CNTNAP4: variants seen among roughly 807,000 people sequenced by gnomAD.
The protein encoded by CNTNAP4 is contactin associated protein family member 4, also known as contactin-associated protein-like 4.
CNTNAP4 carries 98 observed loss-of-function variants against 148.4 expected under a neutral mutation model. The observed-to-expected ratio is 0.66, with a 90% CI of 0.56 to 0.78. CNTNAP4 has a LOEUF of 0.78. CNTNAP4 is among the 30% of genes least tolerant of loss of function. CNTNAP4 has a pLI of 0.00. For synonymous variants in CNTNAP4, 730 were observed against 565.1 expected, an observed-to-expected ratio of 1.29 and a Z score of -4.14; for missense variants, 1,935 against 1,565.6, an observed-to-expected ratio of 1.24 and a Z score of -3.98.
At chr16:76,448,625 G>A in intron 5 of CNTNAP4, 142 bp from the exon 6 acceptor site, 2 of 593,154 alleles carry the variant, frequency 3.4e-6, no homozygotes, top group Non-Finnish European at 5.6e-6. Flanking sequence ...GAAACTTCGG[G>A]GAAATGCATC....
At chr16:76,449,688 A>G (rs764357310) in intron 6 of CNTNAP4, 27 bp from the exon 7 acceptor site, 2 of 1,533,078 alleles carry the variant, frequency 1.3e-6, no homozygotes, top group East Asian at 2.4e-5. Context: ...ACTAAACAAT[A>G]TTATTGATGC....
chr16:76,471,450 T>A (rs780483594), intron 10 of CNTNAP4, among the ~76,000 whole-genome samples: 2 of 152,156 alleles, frequency 1.3e-5, no homozygotes, highest in Non-Finnish European at 2.9e-5. Context: ...AACGTCAACC[T>A]TGTGACCTTA....
chr16:76,305,875 TG>T (rs1356845157), intron 1 of CNTNAP4, among the ~76,000 whole-genome samples: 2 of 152,174 alleles, frequency 1.3e-5, no homozygotes, highest in Non-Finnish European at 1.5e-5. Flanking sequence ...GTGTGCTCAA[TG>T]TTTAGCTCTC....
chr16:76,327,810 A>G (rs565598282), intron 2 of CNTNAP4, among the ~76,000 whole-genome samples: 1 of 152,172 alleles, frequency 6.6e-6, no homozygotes. Context: ...CAGAATGGAA[A>G]TTCTGAGATG....
At chr16:76,470,369 G>C (rs1354635292) in intron 10 of CNTNAP4, among the ~76,000 whole-genome samples, 1 of 150,936 alleles carries the variant, frequency 6.6e-6, no homozygotes, top group Non-Finnish European at 1.5e-5. Flanking sequence ...AGCCAGACAC[G>C]GTGACTCACA....
At chr16:76,398,074 C>A (rs2078275941) in intron 3 of CNTNAP4, among the ~76,000 whole-genome samples, 1 of 144,060 alleles carries the variant, frequency 6.9e-6, no homozygotes, top group South Asian at 2.2e-4. Flanking sequence ...AGGAAGCCAG[C>A]CCGAGTCCCA....
At chr16:76,355,278 T>A (rs1180240888) in intron 2 of CNTNAP4, 40 bp from the exon 3 acceptor site, 1 of 1,441,720 alleles carries the variant, frequency 6.9e-7, no homozygotes, top group Non-Finnish European at 9.3e-7. Flanking sequence ...TAACTAACTT[T>A]CCTTTCTCAA....
chr16:76,287,091 G>A (rs1441101007), intron 1 of CNTNAP4, among the ~76,000 whole-genome samples: 4 of 152,034 alleles, frequency 2.6e-5, no homozygotes, highest in Admixed American at 2.6e-4. Context: ...TACCTCTTAA[G>A]TATCAAAAGA....
chr16:76,484,275 GAAAA>G lies in CNTNAP4; in HGVS notation c.1882+4754_1882+4757del, dbSNP rs10622949. 8.4e-5 allele frequency among the ~76,000 whole-genome samples: 6 copies of G among 71,228 alleles called. 1 individual carries two copies. Among genetic ancestry groups the G allele is most frequent in the Admixed American group, 7.2e-4 (3 of 4,190 alleles). 46.7% of individuals were successfully genotyped at this position (71,228 alleles called of 152,430 possible). On this transcript the variant is annotated intron_variant, in intron 12 of 23. Transcript: ENST00000611870. ...CATAGATCCCAAAGAGGAGAGAAATGAAAAAAAAAAAAAAAAAAAAGACTGGAGT... is the reference window on the plus strand; with the variant it reads ...CATAGATCCCAAAGAGGAGAGAAATGAAAAAAAAAAAAAAAAGACTGGAGT...
At chr16:76,309,083 G>A (rs991205333) in intron 1 of CNTNAP4, among the ~76,000 whole-genome samples, 9 of 151,894 alleles carry the variant, frequency 5.9e-5, no homozygotes, top group African/African-American at 2.2e-4. Context: ...GGGATTACAA[G>A]CATGAGCGAG....
chr16:76,363,818 A>G (rs994062781), intron 3 of CNTNAP4, among the ~76,000 whole-genome samples: 1 of 152,196 alleles, frequency 6.6e-6, no homozygotes, highest in African/African-American at 2.4e-5. Flanking sequence ...TTTGCTAGGC[A>G]TCTTCTTCAT....
intron 1 of CNTNAP4, among the ~76,000 whole-genome samples, chr16:76,314,377 T>A (rs1223281823): frequency 1.3e-5 from 2 of 152,174 alleles, no homozygotes; most frequent in African/African-American, 4.8e-5. Context: ...AGTGACTCGA[T>A]AGACAGAGTA....
At chr16:76,527,848 A>G (rs900181835) in intron 17 of CNTNAP4, among the ~76,000 whole-genome samples, 2 of 152,178 alleles carry the variant, frequency 1.3e-5, no homozygotes, top group Non-Finnish European at 2.9e-5. Context: ...TAAACCTCAA[A>G]TATACACAAT....
At chr16:76,456,513 T>C (rs2080736872) in intron 8 of CNTNAP4, among the ~76,000 whole-genome samples, 1 of 152,216 alleles carries the variant, frequency 6.6e-6, no homozygotes, top group African/African-American at 2.4e-5. Flanking sequence ...CTTCTGTCTG[T>C]GTTTAGACAA....
In CNTNAP4 at chr16:76,461,948, C is replaced by T; in HGVS notation, c.1334-8C>T. 6.2e-7 allele frequency: 1 copy of T among 1,612,636 alleles called. No individual in the cohort carries two copies. Among genetic ancestry groups the T allele is most frequent in the East Asian group, 2.2e-5 (1 of 44,850 alleles). On this transcript the variant is annotated splice_polypyrimidine_tract_variant and splice_region_variant and intron_variant, in intron 8 of 23. Transcript: ENST00000611870. ...GAGAGCGATCTCTAACTGATTTCAT[C>T]TCCCTAGGTGTCGAATTAAATGATG...
chr16:76,449,977 T>A, intron 7 of CNTNAP4, 119 bp downstream of exon 7: 1 of 837,382 alleles, frequency 1.2e-6, no homozygotes, highest in Non-Finnish European at 1.8e-6. Flanking sequence ...TATTTAAATA[T>A]TTTTCTTTGA....
chr16:76,522,298 G>A (rs2144111589), intron 17 of CNTNAP4, 41 bp downstream of exon 17: 3 of 1,550,554 alleles, frequency 1.9e-6, no homozygotes, highest in Non-Finnish European at 2.7e-6. Flanking sequence ...TGTATGATAT[G>A]TGTTCAGAAA....
intron 12 of CNTNAP4, 21 bp from the exon 13 acceptor site, chr16:76,489,665 C>T (rs763149640): frequency 1.4e-6 from 2 of 1,401,930 alleles, no homozygotes; most frequent in Admixed American, 2.2e-5. Context: ...CTCTCTTTCT[C>T]CCCCCATTTC....
chr16:76,487,225 G>T (rs1440299833), intron 12 of CNTNAP4, among the ~76,000 whole-genome samples: 1 of 152,220 alleles, frequency 6.6e-6, no homozygotes, highest in African/African-American at 2.4e-5. Flanking sequence ...CTAGGAGGTT[G>T]TGCTCTAATC....
Sources: allele counts gnomAD v4.1 joint callset (sites outside exome capture counted in the v4.1 genomes callset), GRCh38; gene constraint gnomAD v4.1.1; transcripts MANE v1.5; gene names NCBI Gene and HGNC (gene_info 2026-07-23, HGNC 2026-07-21).